PPARGC1B: variants seen among roughly 807,000 people sequenced by gnomAD.
PPARGC1B encodes PPARG coactivator 1 beta, also known as peroxisome proliferator-activated receptor gamma coactivator 1-beta.
A neutral mutation model predicts 101.6 loss-of-function variants in PPARGC1B; 34 were observed. The ratio of observed to expected loss-of-function variants is 0.33; its 90% CI spans 0.25 to 0.45. The LOEUF (loss-of-function observed/expected upper bound fraction) is 0.45. Among genes scored for constraint, PPARGC1B ranks in the 20% least tolerant of loss-of-function variants. The probability of loss-of-function intolerance (pLI) is 1.00; values close to 1 mark genes in which losing one functional copy is unlikely to be tolerated. For missense variants in PPARGC1B, 1,234 were observed against 1,317.6 expected, an observed-to-expected ratio of 0.94 and a Z score of 0.98; for synonymous variants, 548 against 539.3, an observed-to-expected ratio of 1.02 and a Z score of -0.22.
At chr5:149,839,685 G>C (rs866997051) in intron 8 of PPARGC1B, among the ~76,000 whole-genome samples, 13 of 152,128 alleles carry the variant, frequency 8.5e-5, no homozygotes, top group Middle Eastern at 6.8e-3. Flanking sequence ...AAACCTCATG[G>C]GGTTTAAAAA....
intron 11 of PPARGC1B, chr5:149,847,140 T>C (rs1052215905): frequency 2.2e-6 from 1 of 464,858 alleles, no homozygotes. Context: ...CTGCAGCAGG[T>C]TACTAATGGA....
At chr5:149,802,172 C>T (rs541689831) in intron 1 of PPARGC1B, among the ~76,000 whole-genome samples, 2 of 152,294 alleles carry the variant, frequency 1.3e-5, no homozygotes, top group African/African-American at 2.4e-5. Context: ...TCCAGTGACC[C>T]TCAGTGTAGT....
intron 1 of PPARGC1B, chr5:149,772,129 C>T: frequency 6.2e-7 from 1 of 1,601,524 alleles, no homozygotes. Flanking sequence ...GGAGCCGCCA[C>T]CAGAGCAATG....
chr5:149,766,961 A>G (rs1245892581), intron 1 of PPARGC1B, among the ~76,000 whole-genome samples: 1 of 152,186 alleles, frequency 6.6e-6, no homozygotes, highest in Admixed American at 6.5e-5. Context: ...CAGAACCAGC[A>G]TGTTCCTTTC....
intron 1 of PPARGC1B, among the ~76,000 whole-genome samples, chr5:149,735,961 T>C (rs1754692140): frequency 6.6e-6 from 1 of 152,126 alleles, no homozygotes. Context: ...CCGTCTCTAC[T>C]AAAAATACAA....
chr5:149,800,330 G>A (rs370634039), intron 1 of PPARGC1B, among the ~76,000 whole-genome samples: 1 of 152,164 alleles, frequency 6.6e-6, no homozygotes, highest in South Asian at 2.1e-4. Context: ...CCAGTGGTGC[G>A]AAAACATTGG....
chr5:149,844,980 C>G (rs575588004), intron 10 of PPARGC1B, among the ~76,000 whole-genome samples: 6 of 152,198 alleles, frequency 3.9e-5, no homozygotes, highest in African/African-American at 1.4e-4. Flanking sequence ...GTAGGAGTCA[C>G]TACATGACTC....
intron 9 of PPARGC1B, among the ~76,000 whole-genome samples, chr5:149,840,949 G>A (rs995030541): frequency 2.0e-5 from 3 of 152,210 alleles, no homozygotes; most frequent in Non-Finnish European, 2.9e-5. Context: ...TGTGCATGGA[G>A]CATCTTCTTG....
At chr5:149,823,932 C>T (rs1758402916) in intron 2 of PPARGC1B, among the ~76,000 whole-genome samples, 1 of 152,210 alleles carries the variant, frequency 6.6e-6, no homozygotes, top group Non-Finnish European at 1.5e-5. Flanking sequence ...CTTAGTCCTA[C>T]CCCTGACTCA....
At position 149,820,518 on chromosome 5, in the gene PPARGC1B, C is replaced by T. The variant is rs574384005; in HGVS notation, c.164C>T (p.Ala55Val). 191 of 1,613,924 alleles carry T rather than the reference C, an allele frequency of 1.2e-4. No homozygotes were observed. Among genetic ancestry groups the T allele is most frequent in the Non-Finnish European group, 1.6e-4 (186 of 1,180,022 alleles). ...CTGGATGCCAGCGACTTTGACTCGG[C>T]CACCTGCTTTGGGGAGCTGCAGTGG... ...SQLDASDFDS[A>V]TCFGELQWCP... The change falls in exon 2 of 12, where the codon GCC (alanine) becomes GTC (valine). Residue 55 changes from alanine to valine, a missense_variant. Ala to Val is a moderately conservative substitution (Grantham distance 64). Coordinates refer to ENST00000309241, the MANE Select transcript of PPARGC1B (RefSeq NM_133263.4).
intron 1 of PPARGC1B, among the ~76,000 whole-genome samples, chr5:149,803,883 G>A (rs1294064697): frequency 1.3e-5 from 2 of 152,252 alleles, no homozygotes; most frequent in Non-Finnish European, 2.9e-5. Context: ...CCTCGAGTCT[G>A]CAGGACCTGA....
chr5:149,801,014 C>A (rs554201638), intron 1 of PPARGC1B, among the ~76,000 whole-genome samples: 1 of 152,022 alleles, frequency 6.6e-6, no homozygotes, highest in African/African-American at 2.4e-5. Context: ...GGACATATGG[C>A]GTGGATCAGG....
intron 1 of PPARGC1B, among the ~76,000 whole-genome samples, chr5:149,764,547 GTTTTAGAA>G (rs1229584871): frequency 1.3e-5 from 2 of 152,216 alleles, no homozygotes; most frequent in Admixed American, 6.5e-5. Context: ...CAGACATACT[GTTTTAGAA>G]TTTTACAGAG....
intron 1 of PPARGC1B, among the ~76,000 whole-genome samples, chr5:149,813,031 G>C (rs1248591181): frequency 6.6e-6 from 1 of 152,206 alleles, no homozygotes. Context: ...AAGGTAAGTA[G>C]AGGCGCAGGG....
intron 3 of PPARGC1B, among the ~76,000 whole-genome samples, chr5:149,829,684 T>C (rs1156417460): frequency 6.7e-6 from 1 of 149,624 alleles, no homozygotes; most frequent in East Asian, 1.9e-4. Flanking sequence ...TTACAGTTTT[T>C]ATAGAAAAAA....
At chr5:149,840,463 A>G (rs1759289955) in intron 9 of PPARGC1B, among the ~76,000 whole-genome samples, 1 of 152,080 alleles carries the variant, frequency 6.6e-6, no homozygotes, top group African/African-American at 2.4e-5. Flanking sequence ...CCAGGTTACA[A>G]GTCAGCCCTG....
intron 1 of PPARGC1B, among the ~76,000 whole-genome samples, chr5:149,739,798 A>C (rs1378438444): frequency 2.0e-5 from 3 of 152,130 alleles, no homozygotes; most frequent in Admixed American, 2.0e-4. Context: ...TCCTCCTTGC[A>C]GCTGACCACG....
At chr5:149,778,007 C>G (rs977040286) in intron 1 of PPARGC1B, among the ~76,000 whole-genome samples, 1 of 116,570 alleles carries the variant, frequency 8.6e-6, no homozygotes, top group Non-Finnish European at 1.8e-5. Context: ...CCCCCTTCCC[C>G]CCCCCACAGA....
At chr5:149,855,769 G>T (rs956453159), downstream of PPARGC1B, among the ~76,000 whole-genome samples, 1 of 152,126 alleles carries the variant, frequency 6.6e-6, no homozygotes, top group African/African-American at 2.4e-5. Context: ...ATTTTTAAAT[G>T]CCAGACACCC....
Sources: allele counts gnomAD v4.1 joint callset (sites outside exome capture counted in the v4.1 genomes callset), GRCh38; gene constraint gnomAD v4.1.1; transcripts MANE v1.5; gene names NCBI Gene and HGNC (gene_info 2026-07-23, HGNC 2026-07-21).